The following SNRPN variants were observed in gnomAD, a reference collection of about 807,000 sequenced individuals.
SNRPN encodes small nuclear ribonucleoprotein-associated protein N.
A neutral mutation model predicts 25.2 loss-of-function variants in SNRPN; 7 were observed. The ratio of observed to expected loss-of-function variants is 0.28; its 90% CI spans 0.16 to 0.52. The LOEUF (loss-of-function observed/expected upper bound fraction) is 0.52, where lower values mean the gene tolerates loss of function less well. Among genes scored for constraint, SNRPN ranks in the 20% least tolerant of loss-of-function variants. The probability of loss-of-function intolerance (pLI) is 0.96; values close to 1 mark genes in which losing one functional copy is unlikely to be tolerated. For missense variants in SNRPN, 196 were observed against 322.5 expected, an observed-to-expected ratio of 0.61 and a Z score of 3.00; for synonymous variants, 124 against 110.6, an observed-to-expected ratio of 1.12 and a Z score of -0.76.
intron 2 of SNRPN, among the ~76,000 whole-genome samples, chr15:24,897,569 C>T (rs2058152562): frequency 2.0e-5 from 3 of 152,266 alleles, no homozygotes; most frequent in Non-Finnish European, 2.9e-5. Context: ...TGGATGACAA[C>T]GTGAGACCTT....
At chr15:24,925,698 C>G (rs889164649) in intron 3 of SNRPN, among the ~76,000 whole-genome samples, 1 of 151,974 alleles carries the variant, frequency 6.6e-6, no homozygotes, top group Admixed American at 6.6e-5. Context: ...CCCATCTCAG[C>G]CTCCCCAGTG....
chr15:24,837,660 T>C lies in SNRPN; in HGVS notation c.-579+7755T>C, dbSNP rs149362954. Among the ~76,000 whole-genome samples the C allele has an allele frequency of 5.5e-4, 83 of 152,018 alleles. No homozygotes were observed. In the East Asian group the frequency reaches 9.5e-3, roughly 17 times the overall value. On this transcript the variant is annotated intron_variant, in intron 2 of 12. Transcript: ENST00000400100. ...CTGGGATTACAGGCGTGAGCCACCA[T>C]GCCCGGCTTGGGGGGCTACTGATTT... is the stretch of plus-strand genomic sequence containing the variant.
chr15:24,874,106 C>T (rs1303671318), intron 1 of SNRPN, among the ~76,000 whole-genome samples: 13 of 151,156 alleles, frequency 8.6e-5, no homozygotes, highest in East Asian at 7.9e-4. Context: ...GTCAGGAAAT[C>T]GAGATTATCC....
chr15:24,927,475 A>ATTTTTTTTTTTTTTTTTTTTTTTTTTT (rs1566921436), intron 3 of SNRPN, among the ~76,000 whole-genome samples: 2 of 113,322 alleles, frequency 1.8e-5, no homozygotes, highest in African/African-American at 3.4e-5. Flanking sequence ...AAAGTTTTTA[A>ATTTTTTTTTTTTTTTTTTTTTTTTTTT]ATTTTTTTTT....
chr15:24,835,302 TATC>T (rs2051067694), intron 2 of SNRPN, among the ~76,000 whole-genome samples: 1 of 151,690 alleles, frequency 6.6e-6, no homozygotes, highest in African/African-American at 2.4e-5. Flanking sequence ...ATGTAGCAAA[TATC>T]ATTTGCTAGC....
At chr15:24,838,045 T>G (rs1485296318) in intron 2 of SNRPN, among the ~76,000 whole-genome samples, 1 of 150,038 alleles carries the variant, frequency 6.7e-6, no homozygotes, top group Non-Finnish European at 1.5e-5. Flanking sequence ...ATTTATTTTT[T>G]TTTTTTTGAG....
At chr15:24,867,806 C>A (rs1414161144) in intron 1 of SNRPN, among the ~76,000 whole-genome samples, 2 of 152,136 alleles carry the variant, frequency 1.3e-5, no homozygotes, top group Non-Finnish European at 2.9e-5. Context: ...AGATTGCTAT[C>A]TACCATGTTT....
At chr15:24,906,837 C>A (rs944934486) in intron 2 of SNRPN, among the ~76,000 whole-genome samples, 3 of 152,080 alleles carry the variant, frequency 2.0e-5, no homozygotes, top group African/African-American at 7.2e-5. Context: ...CAGTCTATTT[C>A]TAATTAGGTT....
chr15:24,825,165 C>G (rs561470948), intron 1 of SNRPN, among the ~76,000 whole-genome samples: 34 of 152,118 alleles, frequency 2.2e-4, no homozygotes, highest in African/African-American at 8.0e-4. Context: ...CAGTCAGGCA[C>G]TCGGGGTTTC....
intron 1 of SNRPN, among the ~76,000 whole-genome samples, chr15:24,882,450 G>A (rs1216673717): frequency 1.3e-5 from 2 of 152,148 alleles, no homozygotes; most frequent in Non-Finnish European, 2.9e-5. Flanking sequence ...CTAAGAGTGT[G>A]TGATTTCTTC....
chr15:24,937,822 G>C (rs918132581), intron 3 of SNRPN, among the ~76,000 whole-genome samples: 1 of 151,888 alleles, frequency 6.6e-6, no homozygotes, highest in African/African-American at 2.4e-5. Context: ...CTGTCTCCAT[G>C]ACATTTGATT....
At chr15:24,848,877 CACT>C (rs2145298956) in intron 2 of SNRPN, 1 of 152,016 alleles carries the variant, frequency 6.6e-6, no homozygotes, top group Admixed American at 6.5e-5. Context: ...AAAGAAGTTT[CACT>C]ACTACGTGTT....
intron 1 of SNRPN, among the ~76,000 whole-genome samples, chr15:24,827,826 C>T (rs1285992421): frequency 1.3e-5 from 2 of 150,712 alleles, no homozygotes; most frequent in East Asian, 3.9e-4. Flanking sequence ...AAGACTGCAC[C>T]ACTGCACTCC....
chr15:24,878,483 C>A (rs1189221599), intron 1 of SNRPN, among the ~76,000 whole-genome samples: 2 of 152,350 alleles, frequency 1.3e-5, no homozygotes, highest in African/African-American at 4.8e-5. Flanking sequence ...CGTTTCCGTG[C>A]GCCCCGAGGG....
chr15:24,935,696 CAGG>C (rs1482383298), intron 3 of SNRPN, among the ~76,000 whole-genome samples: 1 of 152,154 alleles, frequency 6.6e-6, no homozygotes, highest in Non-Finnish European at 1.5e-5. Flanking sequence ...AAGTTTTAAA[CAGG>C]AGAGTTTTCA....
At chr15:24,854,005 A>G (rs537013540), upstream of SNRPN, among the ~76,000 whole-genome samples, 4 of 152,266 alleles carry the variant, frequency 2.6e-5, no homozygotes, top group East Asian at 3.9e-4. Flanking sequence ...TTTGTTTTAT[A>G]TATTTTTTCA....
chr15:24,892,305 G>T (rs2057742785), intron 2 of SNRPN, among the ~76,000 whole-genome samples: 1 of 152,192 alleles, frequency 6.6e-6, no homozygotes, highest in Non-Finnish European at 1.5e-5. Flanking sequence ...GGAAGACAGA[G>T]AGATGGAGAA....
chr15:24,909,429 C>A, intron 2 of SNRPN: 1 of 1,592,916 alleles, frequency 6.3e-7, no homozygotes, highest in Non-Finnish European at 8.5e-7. Context: ...ATGCTTTCCA[C>A]AATGTATTCA....
intron 2 of SNRPN, among the ~76,000 whole-genome samples, chr15:24,837,403 T>C (rs974022267): frequency 1.3e-5 from 2 of 151,406 alleles, no homozygotes; most frequent in Non-Finnish European, 2.9e-5. Context: ...AGTCTCACTG[T>C]GTAGCCCAGG....
Sources: gnomAD v4.1 joint callset for allele counts (sites outside exome capture counted in the v4.1 genomes callset) on GRCh38, gnomAD v4.1.1 for gene constraint, MANE v1.5 for transcripts, NCBI Gene and HGNC (gene_info 2026-07-23, HGNC 2026-07-21) for gene names.